The following CERS6 variants were observed in gnomAD, a reference collection of about 807,000 sequenced individuals.
CERS6 encodes the protein LAG1 homolog, ceramide synthase 6.
In CERS6, 26 loss-of-function variants were observed where a neutral mutation model predicts 56.8. The ratio of observed to expected loss-of-function variants is 0.46; its 90% CI spans 0.34 to 0.63. The LOEUF (loss-of-function observed/expected upper bound fraction) is 0.63, where lower values mean the gene tolerates loss of function less well. CERS6 is among the 30% of genes least tolerant of loss of function. The probability of loss-of-function intolerance (pLI) is 0.01; values close to 1 mark genes in which losing one functional copy is unlikely to be tolerated. For missense variants in CERS6, 415 were observed against 467.5 expected, an observed-to-expected ratio of 0.89 and a Z score of 1.04; for synonymous variants, 164 against 173.3, an observed-to-expected ratio of 0.95 and a Z score of 0.42.
At position 168,547,614 on chromosome 2, in the gene CERS6, C is replaced by A; in HGVS notation, c.189C>A (p.Cys63Ter). ...TTTTTAGATTTGTAGCCAAACCGTG[C>A]GCCATAGCCCTCAACATTCAGGCCA... ...LIFERFVAKP[C>*]AIALNIQANG... Residue 63 changes from cysteine (C) to a stop codon, truncating the protein, a stop_gained, in exon 2 of 10, where the codon TGC becomes TGA. Transcript: ENST00000305747. LOFTEE classifies it high-confidence loss of function. The A allele has an allele frequency of 6.2e-7, 1 of 1,613,008 alleles. No individual in the cohort carries two copies. The highest frequency in any genetic ancestry group is 8.5e-7 in the Non-Finnish European group (1 of 1,179,016).
intron 8 of CERS6, among the ~76,000 whole-genome samples, chr2:168,741,132 T>C (rs79856133): frequency 0.023 from 3,439 of 152,284 alleles, 117 homozygotes; most frequent in African/African-American, 0.07. Context: ...AAATTCTAGT[T>C]CTACCATTCT....
rs537441312 is a variant in CERS6, at chr2:168,581,635, T to G, written c.407+20313T>G. Among the ~76,000 whole-genome samples, 91 of 152,212 alleles carry G rather than the reference T, an allele frequency of 6.0e-4. 1 individual carries two copies. Among genetic ancestry groups the G allele is most frequent in the Non-Finnish European group, 5.7e-4 (39 of 68,040 alleles). On this transcript the variant is annotated intron_variant, in intron 3 of 9. Transcript: ENST00000305747. ...TTTATAAAAGTTCTGTTTCATCTTT[T>G]AAAAACCTGCTTGTTCAGTTTTCAT...
Position 168,681,519 on chromosome 2 carries a change from G to A in CERS6, c.466-9515G>A, listed in dbSNP as rs142178752. The stretch of plus-strand genomic sequence containing the variant: ...TTCTTGTTTTTATTATTTTTGATAT[G>A]CAATTTTACATATTTTTGGGGTACG... On this transcript the variant is annotated intron_variant, in intron 4 of 9. Coordinates refer to ENST00000305747, the MANE Select transcript of CERS6 (RefSeq NM_203463.3). Among the ~76,000 whole-genome samples, 573 of 152,088 alleles carry A rather than the reference G, an allele frequency of 3.8e-3. 4 individuals carry two copies. Among genetic ancestry groups the A allele is most frequent in the African/African-American group, 0.013 (544 of 41,474 alleles).
chr2:168,675,742 A>G lies in CERS6; in HGVS notation c.466-15292A>G, dbSNP rs200766816. ...TTGCTCTGTTGCCAGGCTGGAGTGC[A>G]GTGGTGCGATCTCAGCTCACTGCAA... On this transcript the variant is annotated intron_variant, in intron 4 of 9. Transcript: ENST00000305747. Among the ~76,000 whole-genome samples, 31 of 151,626 alleles carry G rather than the reference A, an allele frequency of 2.0e-4. No individual in the cohort carries two copies. The East Asian group carries it at 5.9e-3, about 29-fold the overall frequency.
chr2:168,633,571 G>A (rs1684798199), intron 4 of CERS6, among the ~76,000 whole-genome samples: 1 of 152,252 alleles, frequency 6.6e-6, no homozygotes, highest in East Asian at 1.9e-4. Flanking sequence ...ATTTCTGAGT[G>A]ACTTCCTTCT....
chr2:168,633,029 A>G (rs991646230), intron 4 of CERS6, among the ~76,000 whole-genome samples: 3 of 152,252 alleles, frequency 2.0e-5, no homozygotes, highest in African/African-American at 7.2e-5. Context: ...ATTTTTATCC[A>G]CCAGTCCTCA....
At chr2:168,729,929 G>C (rs1028367813) in intron 8 of CERS6, among the ~76,000 whole-genome samples, 1 of 152,174 alleles carries the variant, frequency 6.6e-6, no homozygotes, top group Non-Finnish European at 1.5e-5. Flanking sequence ...GTGGGTGTTG[G>C]GGATGTAGAT....
chr2:168,523,302 C>T (rs538523579), intron 1 of CERS6, among the ~76,000 whole-genome samples: 1 of 152,270 alleles, frequency 6.6e-6, no homozygotes, highest in South Asian at 2.1e-4. Context: ...AACAGTTGTT[C>T]TCTTATCAGG....
At chr2:168,526,209 T>A (rs1307212617) in intron 1 of CERS6, among the ~76,000 whole-genome samples, 1 of 152,224 alleles carries the variant, frequency 6.6e-6, no homozygotes, top group Non-Finnish European at 1.5e-5. Flanking sequence ...TTTCATTCTG[T>A]TTTCTCCTAT....
intron 8 of CERS6, among the ~76,000 whole-genome samples, chr2:168,747,248 T>G (rs1480092146): frequency 9.2e-5 from 14 of 151,922 alleles, no homozygotes; most frequent in Non-Finnish European, 5.9e-5. Context: ...ATTGCACCAC[T>G]GCACTCCATC....
chr2:168,702,584 C>G (rs766707812), intron 6 of CERS6, among the ~76,000 whole-genome samples: 4 of 152,034 alleles, frequency 2.6e-5, no homozygotes, highest in African/African-American at 4.8e-5. Context: ...ATGTGATTTT[C>G]AAAAATATTT....
chr2:168,687,260 A>G (rs1010762335), intron 4 of CERS6, among the ~76,000 whole-genome samples: 2 of 152,258 alleles, frequency 1.3e-5, no homozygotes, highest in Non-Finnish European at 2.9e-5. Context: ...CAAAGATTAG[A>G]AATAATTCAT....
chr2:168,661,342 A>G (rs968035812), intron 4 of CERS6, among the ~76,000 whole-genome samples: 1 of 152,210 alleles, frequency 6.6e-6, no homozygotes, highest in Non-Finnish European at 1.5e-5. Context: ...TAGCAGCTAG[A>G]GAATTATGAG....
intron 1 of CERS6, among the ~76,000 whole-genome samples, chr2:168,525,745 T>G (rs1695060378): frequency 6.6e-6 from 1 of 152,354 alleles, no homozygotes; most frequent in Admixed American, 6.5e-5. Flanking sequence ...TAAAATGCCC[T>G]TTTCTTACAA....
At chr2:168,472,837 G>A (rs1444544602) in intron 1 of CERS6, among the ~76,000 whole-genome samples, 2 of 151,978 alleles carry the variant, frequency 1.3e-5, no homozygotes, top group Non-Finnish European at 2.9e-5. Context: ...GAATATAGAT[G>A]GTCTCACTCA....
chr2:168,766,711 G>A (rs576190934), intron 9 of CERS6, among the ~76,000 whole-genome samples: 4 of 152,196 alleles, frequency 2.6e-5, no homozygotes, highest in Admixed American at 2.6e-4. Flanking sequence ...CTAGTTGGAG[G>A]GGGAGAGGAT....
At chr2:168,612,206 TG>T (rs1684205845) in intron 3 of CERS6, among the ~76,000 whole-genome samples, 1 of 152,138 alleles carries the variant, frequency 6.6e-6, no homozygotes, top group Non-Finnish European at 1.5e-5. Context: ...AAACAGACTG[TG>T]TGAAATTGTG....
rs144933002 is a variant in CERS6 at position 168,486,900 on chromosome 2, C to G, written c.170+30282C>G. On this transcript the variant is annotated intron_variant, in intron 1 of 9. Coordinates refer to ENST00000305747, the MANE Select transcript of CERS6 (RefSeq NM_203463.3). ...CCACTTATTCATTGCTAGCTTTCAC[C>G]GCTAATGTCAAACCTATTTTAGTAA... Among the ~76,000 whole-genome samples, 47 of 152,126 alleles carry G rather than the reference C, an allele frequency of 3.1e-4. No individual in the cohort carries two copies. The East Asian group carries it at 6.8e-3, about 22-fold the overall frequency.
chr2:168,506,955 G>T (rs1335388030), intron 1 of CERS6, among the ~76,000 whole-genome samples: 1 of 152,086 alleles, frequency 6.6e-6, no homozygotes, highest in Non-Finnish European at 1.5e-5. Flanking sequence ...ACACAGAAAA[G>T]TTGCCAAGTT....
Sources: gnomAD v4.1 joint callset for allele counts (sites outside exome capture counted in the v4.1 genomes callset) on GRCh38, gnomAD v4.1.1 for gene constraint, MANE v1.5 for transcripts, NCBI Gene and HGNC (gene_info 2026-07-23, HGNC 2026-07-21) for gene names.